Variants in ANXA7 observed in about 807,000 individuals in gnomAD.
ANXA7 encodes annexin VII.
In ANXA7, 55 loss-of-function variants were observed where a neutral mutation model predicts 64.9. The observed-to-expected ratio is 0.85, with a 90% CI of 0.68 to 1.06. ANXA7 has a LOEUF of 1.06. Among genes scored for constraint, ANXA7 ranks in the 50% least tolerant of loss-of-function variants. The probability of loss-of-function intolerance (pLI) is 0.00; values close to 1 mark genes in which losing one functional copy is unlikely to be tolerated. For synonymous variants in ANXA7, 200 were observed against 192.4 expected (o/e 1.04, Z -0.33); for missense variants, 548 against 582.1 (o/e 0.94, Z 0.60).
chr10:73,395,645 G>T (rs1392303524), intron 5 of ANXA7, among the ~76,000 whole-genome samples: 2 of 152,118 alleles, frequency 1.3e-5, no homozygotes, highest in Non-Finnish European at 2.9e-5. Context: ...AATGTGACAG[G>T]TGTAGTGGCG....
intron 9 of ANXA7, among the ~76,000 whole-genome samples, chr10:73,382,839 A>G (rs934937640): frequency 2.0e-5 from 3 of 152,164 alleles, no homozygotes; most frequent in African/African-American, 7.2e-5. Context: ...GCAGTCCTGC[A>G]CATCTTCACT....
intron 7 of ANXA7, among the ~76,000 whole-genome samples, chr10:73,384,662 A>T (rs1462853541): frequency 1.3e-5 from 2 of 152,114 alleles, no homozygotes; most frequent in East Asian, 3.8e-4. Flanking sequence ...TGGCCTCCCG[A>T]AGTGCTGGCA....
intron 1 of ANXA7, among the ~76,000 whole-genome samples, chr10:73,407,927 G>A (rs1414080572): frequency 2.0e-5 from 3 of 152,174 alleles, no homozygotes; most frequent in Non-Finnish European, 4.4e-5. Flanking sequence ...ATCCCAAAGG[G>A]CTGGATATAA....
In ANXA7 at chr10:73,390,725, T is replaced by TATATATATATAA. The variant is rs1217514163; in HGVS notation, c.436-2312_436-2311insTTATATATATAT. On this transcript the variant is annotated intron_variant, in intron 5 of 12. Coordinates refer to ENST00000372921, the MANE Select transcript of ANXA7 (RefSeq NM_001156.5). ...ATATATATATATATATATATAAAAATATATATATACACACACACACATATA... is the reference window on the plus strand; with the variant it reads ...ATATATATATATATATATATAAAAATATATATATATAAATATATATACACACACACACATATA... 6.5e-3 allele frequency among the ~76,000 whole-genome samples: 810 copies of TATATATATATAA among 124,464 alleles called. 13 individuals are homozygous for TATATATATATAA. The highest frequency in any genetic ancestry group is 0.026 in the African/African-American group (776 of 29,606). The allele number at this position is 124,464 out of a possible 152,430, so 81.7% of individuals were successfully genotyped here.
chr10:73,389,739 C>G (rs1172559626), intron 5 of ANXA7, among the ~76,000 whole-genome samples: 1 of 152,200 alleles, frequency 6.6e-6, no homozygotes, highest in Non-Finnish European at 1.5e-5. Context: ...AATCCTCCTG[C>G]CTCAGCCTCC....
chr10:73,379,957 G>A lies in ANXA7; in HGVS notation c.1090-3C>T, dbSNP rs1442608398. The A allele has an allele frequency of 2.5e-6, 4 of 1,613,540 alleles. No homozygotes were observed. Among genetic ancestry groups the A allele is most frequent in the South Asian group, 1.1e-5 (1 of 90,938 alleles). ...CTTAACAAGTCTCGATTAGCCATCT[G>A]CAAACAAAATTAAAGGGTTAAATAT... On this transcript the variant is annotated splice_region_variant and splice_polypyrimidine_tract_variant and intron_variant, in intron 10 of 12. Coordinates refer to ENST00000372921, the MANE Select transcript of ANXA7 (RefSeq NM_001156.5).
chr10:73,385,943 G>A (rs1457407383), intron 7 of ANXA7, among the ~76,000 whole-genome samples: 6 of 152,142 alleles, frequency 3.9e-5, no homozygotes, highest in African/African-American at 1.4e-4. Flanking sequence ...GTCAGGCGTG[G>A]TGGCTCATGC....
chr10:73,387,252 C>T (rs576427788), intron 7 of ANXA7, among the ~76,000 whole-genome samples: 4 of 152,286 alleles, frequency 2.6e-5, no homozygotes, highest in Admixed American at 1.3e-4. Flanking sequence ...TGGTGGCTCA[C>T]GCCTGTAATC....
At chr10:73,408,541 T>C (rs1330778124) in intron 1 of ANXA7, 2 of 152,160 alleles carry the variant, frequency 1.3e-5, no homozygotes, top group African/African-American at 2.4e-5. Context: ...CTAAATTCTT[T>C]AGCTACTATC....
intron 11 of ANXA7, 148 bp downstream of exon 11, chr10:73,379,731 A>T (rs1564520720): frequency 1.3e-6 from 1 of 766,464 alleles, no homozygotes; most frequent in East Asian, 2.5e-5. Context: ...AAGAAAACAA[A>T]CAACAAAAAA....
chr10:73,377,292 G>A (rs955925494), intron 12 of ANXA7, among the ~76,000 whole-genome samples: 1 of 151,732 alleles, frequency 6.6e-6, no homozygotes, highest in Non-Finnish European at 1.5e-5. Context: ...GTTTTTGGCC[G>A]GGTGTGGTGG....
chr10:73,384,381 T>A (rs2055327630), intron 7 of ANXA7, among the ~76,000 whole-genome samples: 2 of 152,122 alleles, frequency 1.3e-5, no homozygotes, highest in Admixed American at 1.3e-4. Flanking sequence ...GAAACCATTA[T>A]CATCTTGTTC....
intron 1 of ANXA7, among the ~76,000 whole-genome samples, chr10:73,409,689 A>G (rs530392439): frequency 6.6e-6 from 1 of 152,354 alleles, no homozygotes; most frequent in South Asian, 2.1e-4. Context: ...TATGGAACAA[A>G]AAACAGCCTG....
Position 73,379,008 on chromosome 10 carries a change from T to G in ANXA7, c.1181A>C (p.Asn394Thr), listed in dbSNP as rs1050861979. Residue 394 changes from asparagine to threonine, a missense_variant, in exon 12 of 13, where the codon AAC (asparagine) becomes ACC (threonine). Physicochemically the swap from Asn to Thr is moderately conservative, Grantham distance 65. Transcript: ENST00000372921. ...CCTCTCAGCAAAGAAGGCAGGGCGG[T>G]TCAGGGCACACTGCACTGCAAGTTA... Reference protein sequence around the residue: ...GLKTILQCALNRPAFFAERLY... With the variant: ...GLKTILQCALTRPAFFAERLY... The G allele has an allele frequency of 1.1e-5, 17 of 1,612,314 alleles. No individual in the cohort carries two copies. Among genetic ancestry groups the G allele is most frequent in the Non-Finnish European group, 1.4e-5 (17 of 1,179,216 alleles).
intron 5 of ANXA7, among the ~76,000 whole-genome samples, chr10:73,394,047 A>G (rs2055530078): frequency 6.6e-6 from 1 of 152,178 alleles, no homozygotes; most frequent in African/African-American, 2.4e-5. Flanking sequence ...AAAAGTGGGC[A>G]AAGGATATGA....
chr10:73,393,402 A>T (rs1407212950), intron 5 of ANXA7, among the ~76,000 whole-genome samples: 2 of 152,180 alleles, frequency 1.3e-5, no homozygotes, highest in Admixed American at 1.3e-4. Context: ...CATTGCCAAG[A>T]CAATCCTAAG....
chr10:73,390,508 A>T (rs1319467003), intron 5 of ANXA7, among the ~76,000 whole-genome samples: 1 of 152,082 alleles, frequency 6.6e-6, no homozygotes. Flanking sequence ...TGTAGCAAAT[A>T]GTCGAGTATA....
intron 1 of ANXA7, among the ~76,000 whole-genome samples, chr10:73,402,129 T>C (rs1189248625): frequency 6.6e-6 from 1 of 152,230 alleles, no homozygotes; most frequent in African/African-American, 2.4e-5. Flanking sequence ...AATGGTACAA[T>C]GGTTAAGAGT....
At chr10:73,400,997 C>T (rs1461986620) in intron 1 of ANXA7, 140 bp from the exon 2 acceptor site, 7 of 513,038 alleles carry the variant, frequency 1.4e-5, no homozygotes, top group Non-Finnish European at 1.6e-5. Context: ...ACCTCTGCCT[C>T]CGGGTTCAAG....
Sources: gnomAD v4.1 joint callset for allele counts (sites outside exome capture counted in the v4.1 genomes callset) on GRCh38, gnomAD v4.1.1 for gene constraint, MANE v1.5 for transcripts, NCBI Gene and HGNC (gene_info 2026-07-23, HGNC 2026-07-21) for gene names.